ETV6: variants seen among roughly 807,000 people sequenced by gnomAD.
The protein encoded by ETV6 is ETS variant transcription factor 6, also known as transcription factor ETV6.
Under a neutral mutation model 51.1 loss-of-function variants are expected in ETV6, and 16 were observed. The observed-to-expected ratio is 0.31, with a 90% CI of 0.21 to 0.48. ETV6 has a LOEUF of 0.48. ETV6 is among the 20% of genes least tolerant of loss of function. The probability of loss-of-function intolerance (pLI) is 0.99; values close to 1 mark genes in which losing one functional copy is unlikely to be tolerated. For missense variants in ETV6, 458 were observed against 594.8 expected (o/e 0.77, Z 2.39); for synonymous variants, 240 against 224.1 (o/e 1.07, Z -0.64).
chr12:11,871,795 T>G (rs1337829724), intron 5 of ETV6, among the ~76,000 whole-genome samples: 1 of 152,128 alleles, frequency 6.6e-6, no homozygotes, highest in Non-Finnish European at 1.5e-5. Context: ...GATAGATGCA[T>G]GGGGGTTAAT....
chr12:11,748,126 G>A (rs1054359009), intron 1 of ETV6, among the ~76,000 whole-genome samples: 2 of 152,194 alleles, frequency 1.3e-5, no homozygotes, highest in African/African-American at 4.8e-5. Flanking sequence ...TATCTGGGTT[G>A]CAGGTTTCTT....
intron 1 of ETV6, among the ~76,000 whole-genome samples, chr12:11,662,686 G>C (rs1036017895): frequency 6.6e-6 from 1 of 152,134 alleles, no homozygotes; most frequent in Non-Finnish European, 1.5e-5. Context: ...TTTCTTATTT[G>C]GGTGCACTTT....
chr12:11,886,086 G>A (rs1240055390), intron 7 of ETV6, 60 bp downstream of exon 7: 20 of 1,176,032 alleles, frequency 1.7e-5, no homozygotes, highest in Admixed American at 5.1e-5. Flanking sequence ...TTTAAATAAC[G>A]GGGAGTGGGG....
chr12:11,769,542 G>A (rs118179197), intron 2 of ETV6, among the ~76,000 whole-genome samples: 2,048 of 152,152 alleles, frequency 0.013, 31 homozygotes, highest in Non-Finnish European at 0.021. Context: ...GTGTCATTTC[G>A]AGTTCATAGT....
intron 1 of ETV6, among the ~76,000 whole-genome samples, chr12:11,750,454 C>G (rs1470903108): frequency 6.6e-6 from 1 of 152,184 alleles, no homozygotes; most frequent in African/African-American, 2.4e-5. Context: ...TTGTGAGTTT[C>G]TCTTTGCTTC....
At chr12:11,770,224 C>G (rs752068013) in intron 2 of ETV6, among the ~76,000 whole-genome samples, 1 of 152,042 alleles carries the variant, frequency 6.6e-6, no homozygotes, top group Admixed American at 6.6e-5. Context: ...GACCATCAGG[C>G]CTTGCTTTGG....
At chr12:11,661,066 C>T (rs925455592) in intron 1 of ETV6, among the ~76,000 whole-genome samples, 1 of 152,152 alleles carries the variant, frequency 6.6e-6, no homozygotes, top group Non-Finnish European at 1.5e-5. Flanking sequence ...CATAGCTCAC[C>T]GTAACCTCAA....
intron 4 of ETV6, among the ~76,000 whole-genome samples, chr12:11,859,942 A>G (rs1472866368): frequency 1.3e-5 from 2 of 152,212 alleles, no homozygotes; most frequent in Non-Finnish European, 2.9e-5. Context: ...TCATAATATT[A>G]AAAACTCATG....
intron 3 of ETV6, among the ~76,000 whole-genome samples, chr12:11,848,640 A>T (rs572611636): frequency 2.6e-5 from 4 of 152,306 alleles, no homozygotes; most frequent in Non-Finnish European, 4.4e-5. Context: ...GTGTGCATGC[A>T]CCCAGGAGTA....
chr12:11,758,710 G>A (rs1461722534), intron 2 of ETV6, among the ~76,000 whole-genome samples: 2 of 152,146 alleles, frequency 1.3e-5, no homozygotes, highest in Non-Finnish European at 2.9e-5. Context: ...TCACATCAGT[G>A]TTCCAAAAAT....
At chr12:11,679,590 G>A (rs2120737532) in intron 1 of ETV6, among the ~76,000 whole-genome samples, 1 of 152,282 alleles carries the variant, frequency 6.6e-6, no homozygotes, top group Non-Finnish European at 1.5e-5. Context: ...TGGTCTTGAT[G>A]TTTCTCCGGT....
At position 11,869,067 on chromosome 12, in the gene ETV6, T is replaced by C. The variant is rs1946833635; in HGVS notation, c.464-357T>C. Among the ~76,000 whole-genome samples, 1 of 151,844 alleles carries C rather than the reference T, an allele frequency of 6.6e-6. No homozygotes were observed. Among genetic ancestry groups the C allele is most frequent in the Admixed American group, 6.6e-5 (1 of 15,252 alleles). On this transcript the variant is annotated intron_variant, in intron 4 of 7. Coordinates refer to ENST00000396373, the MANE Select transcript of ETV6 (RefSeq NM_001987.5). This position sits in a 1 kb window ranked among gnomAD's most constrained non-coding sequence, Gnocchi z 5.0. ...CTGGCTAACACGGTGAAACCCCATC[T>C]CTACTAAAAATAAAAAAAATTAGCC...
chr12:11,887,749 G>GAA (rs58685356), intron 7 of ETV6, among the ~76,000 whole-genome samples: 16 of 97,418 alleles, frequency 1.6e-4, no homozygotes, highest in East Asian at 5.2e-4. Context: ...TCCATCTCAA[G>GAA]AAAAAAAAAA....
intron 1 of ETV6, among the ~76,000 whole-genome samples, chr12:11,747,919 T>G (rs1245409849): frequency 6.6e-6 from 1 of 152,244 alleles, no homozygotes; most frequent in East Asian, 1.9e-4. Context: ...GACTTCACTT[T>G]AATAAATTTC....
chr12:11,727,807 T>A (rs925131510), intron 1 of ETV6, among the ~76,000 whole-genome samples: 38 of 151,700 alleles, frequency 2.5e-4, no homozygotes, highest in Non-Finnish European at 3.4e-4. Flanking sequence ...CTTCCTTTTT[T>A]AAATTTTTTT....
chr12:11,674,997 GA>G (rs1183465223), intron 1 of ETV6, among the ~76,000 whole-genome samples: 2 of 152,216 alleles, frequency 1.3e-5, no homozygotes, highest in Non-Finnish European at 2.9e-5. Flanking sequence ...CATGGGCTGT[GA>G]AGGTACAGCC....
At chr12:11,679,653 A>G (rs769962584) in intron 1 of ETV6, among the ~76,000 whole-genome samples, 15 of 152,234 alleles carry the variant, frequency 9.9e-5, no homozygotes, top group Non-Finnish European at 2.1e-4. Context: ...GACTCTATTT[A>G]TTCTTGTCAC....
chr12:11,688,815 C>A (rs959310392), intron 1 of ETV6, among the ~76,000 whole-genome samples: 12 of 152,270 alleles, frequency 7.9e-5, no homozygotes, highest in African/African-American at 2.9e-4. Flanking sequence ...CTTAGTGATC[C>A]CCTGGTCAGG....
At chr12:11,697,249 C>T (rs537776055) in intron 1 of ETV6, among the ~76,000 whole-genome samples, 4 of 152,282 alleles carry the variant, frequency 2.6e-5, no homozygotes, top group African/African-American at 9.6e-5. Flanking sequence ...TCACCATAGC[C>T]TGTAAGCTAC....
Sources: allele counts gnomAD v4.1 joint callset (sites outside exome capture counted in the v4.1 genomes callset), GRCh38; gene constraint gnomAD v4.1.1; non-coding constraint Gnocchi (gnomAD v3.1); transcripts MANE v1.5; gene names NCBI Gene and HGNC (gene_info 2026-07-23, HGNC 2026-07-21).